The following KIAA1217 variants were observed in gnomAD, a reference collection of about 807,000 sequenced individuals.
KIAA1217 encodes the protein sickle tail protein homolog.
Under a neutral mutation model 163.9 loss-of-function variants are expected in KIAA1217, and 88 were observed. The observed-to-expected ratio is 0.54, with a 90% CI of 0.45 to 0.64. The LOEUF (loss-of-function observed/expected upper bound fraction) is 0.64, where lower values mean the gene tolerates loss of function less well. KIAA1217 is among the 30% of genes least tolerant of loss of function. The probability of loss-of-function intolerance (pLI) is 0.00; values close to 1 mark genes in which losing one functional copy is unlikely to be tolerated. For missense variants in KIAA1217, 2,372 were observed against 2,475.0 expected, an observed-to-expected ratio of 0.96 and a Z score of 0.88; for synonymous variants, 903 against 923.1, an observed-to-expected ratio of 0.98 and a Z score of 0.39.
intron 1 of KIAA1217, among the ~76,000 whole-genome samples, chr10:23,785,230 C>T (rs978237869): frequency 6.6e-6 from 1 of 152,136 alleles, no homozygotes; most frequent in Non-Finnish European, 1.5e-5. Flanking sequence ...TTCCCAGATG[C>T]GCCATAGGGC....
intron 1 of KIAA1217, among the ~76,000 whole-genome samples, chr10:23,872,492 C>T (rs975565492): frequency 1.3e-5 from 2 of 152,108 alleles, no homozygotes; most frequent in South Asian, 2.1e-4. Context: ...CTGCATCACA[C>T]GAGCCTTGCC....
intron 1 of KIAA1217, among the ~76,000 whole-genome samples, chr10:23,754,375 G>A (rs1833816056): frequency 6.6e-6 from 1 of 152,146 alleles, no homozygotes; most frequent in Non-Finnish European, 1.5e-5. Flanking sequence ...GCCCCTCCTG[G>A]CACCATGTGA....
intron 1 of KIAA1217, among the ~76,000 whole-genome samples, chr10:23,833,168 TA>T (rs1419301095): frequency 4.6e-5 from 7 of 152,190 alleles, no homozygotes; most frequent in African/African-American, 1.7e-4. Context: ...ACCTATTTTA[TA>T]AGGCTGTTAT....
chr10:24,475,076 G>A (rs1034924237), intron 6 of KIAA1217, among the ~76,000 whole-genome samples: 1 of 151,992 alleles, frequency 6.6e-6, no homozygotes, highest in Non-Finnish European at 1.5e-5. Flanking sequence ...AAAATTAGTC[G>A]GGTGTGGTGG....
intron 1 of KIAA1217, among the ~76,000 whole-genome samples, chr10:24,211,546 TATTGTATTGTATTG>T (rs1179476290): frequency 0.2 from 16,851 of 85,436 alleles, 1,518 homozygotes; most frequent in East Asian, 0.44. Flanking sequence ...TATTGTATTG[TATTGTATTGTATTG>T]TATTGTATTG....
chr10:23,784,948 G>A (rs531702476), intron 1 of KIAA1217, among the ~76,000 whole-genome samples: 9 of 151,990 alleles, frequency 5.9e-5, no homozygotes, highest in Admixed American at 2.6e-4. Context: ...AAAAACCAAC[G>A]CTTTTGAACA....
In KIAA1217 at chr10:24,531,869, G is replaced by A; in HGVS notation, c.3122G>A (p.Gly1041Glu). The change falls in exon 15 of 21, where the codon GGG becomes GAG. Residue 1041 changes from glycine (G) to glutamate (E), a missense_variant. This residue lies in a region of KIAA1217 where 1,431 missense variants were observed against 1,470.3 expected (regional missense o/e 0.97). Transcript: ENST00000376454. ...PNSEQDLEKL[G>E]GKSPPPPPPP... ...TCGGAACAGGACTTGGAAAAGCTGG[G>A]GGGAAAGTCGCCCCCTCCTCCTCCG... 6.2e-7 allele frequency: 1 copy of A among 1,607,774 alleles called. No individual in the cohort carries two copies. The highest frequency in any genetic ancestry group is 8.5e-7 in the Non-Finnish European group (1 of 1,176,344).
intron 5 of KIAA1217, among the ~76,000 whole-genome samples, chr10:24,468,869 C>A (rs935248426): frequency 1.3e-5 from 2 of 152,178 alleles, no homozygotes; most frequent in Non-Finnish European, 2.9e-5. Context: ...TCTATACATA[C>A]CACTAGTAAA....
intron 6 of KIAA1217, among the ~76,000 whole-genome samples, chr10:24,474,726 T>TA (rs1183449905): frequency 6.6e-6 from 1 of 152,218 alleles, no homozygotes; most frequent in Non-Finnish European, 1.5e-5. Context: ...ATTCAGAAGC[T>TA]TCCTACTCTA....
intron 10 of KIAA1217, among the ~76,000 whole-genome samples, chr10:24,519,660 C>G (rs1226582637): frequency 6.6e-6 from 1 of 152,210 alleles, no homozygotes; most frequent in Non-Finnish European, 1.5e-5. Context: ...AAGAATTACA[C>G]AGCCCAAAAT....
chr10:24,383,831 C>T (rs1311242676), intron 3 of KIAA1217, among the ~76,000 whole-genome samples: 4 of 152,218 alleles, frequency 2.6e-5, no homozygotes, highest in African/African-American at 7.2e-5. Flanking sequence ...CCCAGCCGCA[C>T]CTGGCCCTTA....
upstream of KIAA1217, chr10:24,208,929 G>A (rs1359076623): frequency 9.3e-6 from 3 of 321,888 alleles, no homozygotes; most frequent in South Asian, 7.0e-5. Context: ...CCCGGAGAGC[G>A]CGCCTGAGGA....
At chr10:24,067,068 C>G (rs1322812753) in intron 2 of KIAA1217, among the ~76,000 whole-genome samples, 1 of 152,082 alleles carries the variant, frequency 6.6e-6, no homozygotes, top group Non-Finnish European at 1.5e-5. Flanking sequence ...AAGTTTTTAA[C>G]TTCTTTGCCA....
chr10:24,209,345 T>C (rs2067776718), intron 1 of KIAA1217, 82 bp downstream of exon 1: 3 of 944,468 alleles, frequency 3.2e-6, no homozygotes, highest in Non-Finnish European at 4.8e-6. Flanking sequence ...ACTGCAGCTC[T>C]GGGACCCGGC....
intron 5 of KIAA1217, among the ~76,000 whole-genome samples, chr10:24,444,074 G>A (rs1174169674): frequency 4.6e-5 from 7 of 151,856 alleles, no homozygotes; most frequent in Admixed American, 3.9e-4. Context: ...GCAGTGGTGC[G>A]ATCTCAGCTC....
intron 2 of KIAA1217, among the ~76,000 whole-genome samples, chr10:24,027,850 A>G (rs1459140737): frequency 1.3e-5 from 2 of 152,170 alleles, no homozygotes; most frequent in Non-Finnish European, 2.9e-5. Flanking sequence ...ATCATGATTT[A>G]TAATGAGTCA....
chr10:23,923,585 G>A (rs1842922403), intron 1 of KIAA1217, among the ~76,000 whole-genome samples: 1 of 152,164 alleles, frequency 6.6e-6, no homozygotes, highest in African/African-American at 2.4e-5. Flanking sequence ...TGGAATGACA[G>A]AAGCAGAGAT....
chr10:24,064,124 G>A (rs1448389853), intron 2 of KIAA1217, among the ~76,000 whole-genome samples: 3 of 152,010 alleles, frequency 2.0e-5, no homozygotes, highest in South Asian at 2.1e-4. Flanking sequence ...CTAATTGAAT[G>A]CCCTTTATTC....
chr10:24,067,121 C>A (rs1210235394), intron 2 of KIAA1217, among the ~76,000 whole-genome samples: 1 of 152,128 alleles, frequency 6.6e-6, no homozygotes, highest in Non-Finnish European at 1.5e-5. Context: ...GTTTGATCTT[C>A]TGAAGCCTTC....
Sources: gnomAD v4.1 joint callset for allele counts (sites outside exome capture counted in the v4.1 genomes callset) on GRCh38, gnomAD v4.1.1 for gene constraint, gnomAD v4.1.1 regional missense constraint, MANE v1.5 for transcripts, NCBI Gene and HGNC (gene_info 2026-07-23, HGNC 2026-07-21) for gene names.